CDH13: variants seen among roughly 807,000 people sequenced by gnomAD.
CDH13 encodes cadherin 13.
A neutral mutation model predicts 63.8 loss-of-function variants in CDH13; 24 were observed. The observed-to-expected ratio is 0.38, with a 90% CI of 0.27 to 0.53. CDH13 has a LOEUF of 0.53. Among genes scored for constraint, CDH13 ranks in the 20% least tolerant of loss-of-function variants. CDH13 has a pLI of 0.85. For synonymous variants in CDH13, 503 were observed against 355.3 expected, an observed-to-expected ratio of 1.42 and a Z score of -4.67; for missense variants, 1,049 against 903.1, an observed-to-expected ratio of 1.16 and a Z score of -2.07.
chr16:83,001,296 A>G (rs545845341), intron 2 of CDH13, among the ~76,000 whole-genome samples: 17 of 152,324 alleles, frequency 1.1e-4, no homozygotes, highest in East Asian at 1.9e-4. Context: ...CTAGCCTTCT[A>G]TTGGAGCTGC....
At chr16:83,260,971 G>T (rs192532315) in intron 5 of CDH13, among the ~76,000 whole-genome samples, 3 of 152,162 alleles carry the variant, frequency 2.0e-5, no homozygotes, top group South Asian at 2.1e-4. Context: ...AGCAGGAACT[G>T]GTGGAGATCT....
intron 1 of CDH13, among the ~76,000 whole-genome samples, chr16:82,760,209 C>G (rs1043969653): frequency 2.0e-5 from 3 of 152,128 alleles, no homozygotes; most frequent in African/African-American, 7.2e-5. Context: ...ACATAAGCAC[C>G]CGGCTCATTG....
chr16:83,225,177 C>G (rs1427357357), intron 5 of CDH13, among the ~76,000 whole-genome samples: 2 of 152,178 alleles, frequency 1.3e-5, no homozygotes, highest in African/African-American at 4.8e-5. Flanking sequence ...TGGAGGAACA[C>G]AGGTCTAAAT....
chr16:82,959,451 T>C (rs1026716378), intron 2 of CDH13, among the ~76,000 whole-genome samples: 9 of 152,312 alleles, frequency 5.9e-5, no homozygotes, highest in African/African-American at 2.2e-4. Context: ...TTGGTTCCTT[T>C]CTGGAGGCCC....
intron 5 of CDH13, among the ~76,000 whole-genome samples, chr16:83,247,931 C>A (rs76899147): frequency 3.3e-5 from 5 of 152,140 alleles, no homozygotes; most frequent in Non-Finnish European, 7.4e-5. Flanking sequence ...TGTGTTAGAG[C>A]CTTTTGTTCC....
chr16:82,779,833 A>G (rs1264643787), intron 1 of CDH13, among the ~76,000 whole-genome samples: 1 of 150,050 alleles, frequency 6.7e-6, no homozygotes, highest in African/African-American at 2.4e-5. Context: ...AAGTAGAGGG[A>G]AAGGTGGGAG....
At chr16:83,014,766 A>ATATG (rs1567745661) in intron 2 of CDH13, among the ~76,000 whole-genome samples, 1 of 51,484 alleles carries the variant, frequency 1.9e-5, no homozygotes, top group Non-Finnish European at 3.9e-5. Context: ...ATATATATAT[A>ATATG]TATATATATG....
At position 83,435,340 on chromosome 16, in the gene CDH13, G is replaced by T. The variant is rs148472187; in HGVS notation, c.782-51137G>T. Among the ~76,000 whole-genome samples the T allele has an allele frequency of 4.4e-4, 67 of 152,202 alleles. No individual in the cohort carries two copies. In the Middle Eastern group the frequency reaches 0.01, roughly 23 times the overall value. On this transcript the variant is annotated intron_variant, in intron 6 of 13. Transcript: ENST00000567109. ...ATTACAAGAGTGAGCCACTATGCCT[G>T]GCCCCCTATTTGACATATTTTTAAC...
chr16:82,995,191 C>G (rs1487492819), intron 2 of CDH13, among the ~76,000 whole-genome samples: 1 of 152,168 alleles, frequency 6.6e-6, no homozygotes, highest in Admixed American at 6.5e-5. Context: ...CTAGGGGAAA[C>G]ATTTATTCAA....
chr16:83,533,881 G>T (rs910605777), intron 7 of CDH13, among the ~76,000 whole-genome samples: 1 of 151,980 alleles, frequency 6.6e-6, no homozygotes, highest in African/African-American at 2.4e-5. Context: ...TCAGCCTCCC[G>T]AGCTGCTGGG....
At chr16:83,178,979 C>A (rs1243268073) in intron 4 of CDH13, among the ~76,000 whole-genome samples, 2 of 152,036 alleles carry the variant, frequency 1.3e-5, no homozygotes, top group Admixed American at 6.6e-5. Flanking sequence ...AAAATATACA[C>A]CTTGGTCAAA....
intron 7 of CDH13, among the ~76,000 whole-genome samples, chr16:83,507,800 C>T (rs959745039): frequency 2.6e-5 from 4 of 151,934 alleles, no homozygotes; most frequent in African/African-American, 9.7e-5. Context: ...TCTGGAAGGC[C>T]GAGGCAGGCA....
At chr16:83,052,592 C>T (rs1367679235) in intron 3 of CDH13, among the ~76,000 whole-genome samples, 4 of 151,984 alleles carry the variant, frequency 2.6e-5, no homozygotes, top group African/African-American at 9.7e-5. Context: ...CCAGCCAGGC[C>T]AACATGGCGA....
chr16:82,699,372 C>G (rs1365372736), intron 1 of CDH13, among the ~76,000 whole-genome samples: 1 of 152,168 alleles, frequency 6.6e-6, no homozygotes. Context: ...CTCCTGAGAA[C>G]ATACACTCTG....
chr16:82,774,915 A>T (rs922106896), intron 1 of CDH13, among the ~76,000 whole-genome samples: 4 of 152,210 alleles, frequency 2.6e-5, no homozygotes, highest in African/African-American at 9.6e-5. Context: ...GAGGAATAAA[A>T]ATGCTGGAGA....
At chr16:82,804,455 T>C (rs2151166685) in intron 1 of CDH13, among the ~76,000 whole-genome samples, 1 of 152,318 alleles carries the variant, frequency 6.6e-6, no homozygotes, top group South Asian at 2.1e-4. Context: ...TGTGCAGTTT[T>C]ATTGCACGTT....
intron 7 of CDH13, among the ~76,000 whole-genome samples, chr16:83,590,868 G>A (rs543695534): frequency 1.4e-5 from 2 of 145,268 alleles, no homozygotes; most frequent in African/African-American, 5.1e-5. Flanking sequence ...CAGGTGGGCT[G>A]TCAATCTGTG....
chr16:83,234,294 C>A (rs547770751), intron 5 of CDH13, among the ~76,000 whole-genome samples: 70 of 152,336 alleles, frequency 4.6e-4, no homozygotes, highest in Middle Eastern at 3.4e-3. Flanking sequence ...GTGAGTGTCA[C>A]AAAACAGCCG....
chr16:83,272,558 T>C (rs537099217), intron 5 of CDH13, among the ~76,000 whole-genome samples: 104 of 152,330 alleles, frequency 6.8e-4, no homozygotes, highest in African/African-American at 2.3e-3. Flanking sequence ...ATATCCAGCG[T>C]TGCAGTCCGG....
Sources: allele counts gnomAD v4.1 joint callset (sites outside exome capture counted in the v4.1 genomes callset), GRCh38; gene constraint gnomAD v4.1.1; transcripts MANE v1.5; gene names NCBI Gene and HGNC (gene_info 2026-07-23, HGNC 2026-07-21).